The following PLXDC2 variants were observed in gnomAD, a reference collection of about 807,000 sequenced individuals.
The protein encoded by PLXDC2 is plexin domain-containing protein 2.
A neutral mutation model predicts 68.9 loss-of-function variants in PLXDC2; 40 were observed. That is an observed-to-expected ratio of 0.58 (90% CI 0.45 to 0.76). PLXDC2 has a LOEUF of 0.76. PLXDC2 is among the 30% of genes least tolerant of loss of function. PLXDC2 has a pLI of 0.00. For synonymous variants in PLXDC2, 243 were observed against 234.2 expected (o/e 1.04, Z -0.34); for missense variants, 644 against 661.9 (o/e 0.97, Z 0.30).
Position 19,861,336 on chromosome 10 carries a change from G to A in PLXDC2, c.112+44145G>A, listed in dbSNP as rs544004975. 9.9e-5 allele frequency among the ~76,000 whole-genome samples: 15 copies of A among 152,052 alleles called. No homozygotes were observed. The East Asian group carries it at 2.1e-3, about 22-fold the overall frequency. Reference sequence around the variant, plus strand: ...GGGCATGAGCCACCGAGCCCAGCGTGCTGGATACTTTTCTTTTGCAGTAAC... The same window carrying A: ...GGGCATGAGCCACCGAGCCCAGCGTACTGGATACTTTTCTTTTGCAGTAAC... On this transcript the variant is annotated intron_variant, in intron 1 of 13. Transcript: ENST00000377252.
intron 1 of PLXDC2, among the ~76,000 whole-genome samples, chr10:19,849,847 C>T (rs898891232): frequency 5.3e-5 from 8 of 152,070 alleles, no homozygotes; most frequent in Admixed American, 3.3e-4. Context: ...AAGACATAGG[C>T]ACTTAGTGGT....
chr10:20,242,769 G>A (rs182314407), intron 12 of PLXDC2, among the ~76,000 whole-genome samples: 1 of 152,256 alleles, frequency 6.6e-6, no homozygotes, highest in East Asian at 1.9e-4. Flanking sequence ...GGAGTGCAGT[G>A]GCAGGATCTC....
intron 13 of PLXDC2, among the ~76,000 whole-genome samples, chr10:20,269,143 C>T (rs1443096260): frequency 5.3e-5 from 8 of 152,178 alleles, no homozygotes; most frequent in Admixed American, 3.9e-4. Flanking sequence ...ATACATTCCA[C>T]TTTGCCAAGA....
chr10:20,129,510 C>T (rs1210114714), intron 4 of PLXDC2, among the ~76,000 whole-genome samples: 1 of 141,850 alleles, frequency 7.0e-6, no homozygotes, highest in Non-Finnish European at 1.5e-5. Flanking sequence ...TAGGGGTCAT[C>T]CCATATATAC....
intron 4 of PLXDC2, among the ~76,000 whole-genome samples, chr10:20,080,795 C>A (rs1298575728): frequency 6.6e-6 from 1 of 152,318 alleles, no homozygotes; most frequent in South Asian, 2.1e-4. Context: ...CAAGGCAAAC[C>A]ACTGTCCCCA....
chr10:20,091,919 T>C (rs1833282486), intron 4 of PLXDC2: 1 of 152,276 alleles, frequency 6.6e-6, no homozygotes, highest in African/African-American at 2.4e-5. Context: ...CACCCTTTGA[T>C]GGCGTCATTG....
intron 6 of PLXDC2, among the ~76,000 whole-genome samples, chr10:20,160,982 CA>C (rs952676192): frequency 1.3e-5 from 2 of 152,020 alleles, no homozygotes; most frequent in Non-Finnish European, 2.9e-5. Flanking sequence ...CAGTGAGACC[CA>C]ATGTCTTAAA....
chr10:20,259,240 T>C (rs1156424761), intron 13 of PLXDC2, among the ~76,000 whole-genome samples: 1 of 152,116 alleles, frequency 6.6e-6, no homozygotes, highest in African/African-American at 2.4e-5. Flanking sequence ...GGTATAATAG[T>C]AAAATATTTT....
intron 1 of PLXDC2, among the ~76,000 whole-genome samples, chr10:19,883,911 T>TTTTTTTTTTTTTTTTTTA (rs1837788503): frequency 7.3e-6 from 1 of 136,798 alleles, no homozygotes. Flanking sequence ...TTTTTTTTTT[T>TTTTTTTTTTTTTTTTTTA]AGCAGACAGG....
At chr10:20,055,995 G>A (rs11816620) in intron 3 of PLXDC2, among the ~76,000 whole-genome samples, 2,508 of 152,028 alleles carry the variant, frequency 0.016, 65 homozygotes, top group African/African-American at 0.057. Flanking sequence ...AAAAATAGTA[G>A]GGATTCAAAA....
chr10:20,277,098 A>G (rs889709866), intron 13 of PLXDC2, among the ~76,000 whole-genome samples: 5 of 150,180 alleles, frequency 3.3e-5, no homozygotes, highest in East Asian at 4.0e-4. Flanking sequence ...AATCCCAGCT[A>G]CTCAGGAGGC....
intron 9 of PLXDC2, among the ~76,000 whole-genome samples, chr10:20,206,116 T>C (rs779246393): frequency 3.9e-5 from 6 of 152,052 alleles, no homozygotes; most frequent in Non-Finnish European, 2.9e-5. Flanking sequence ...ACATATATCA[T>C]AATATCACAC....
intron 2 of PLXDC2, among the ~76,000 whole-genome samples, chr10:20,017,972 C>T (rs370496507): frequency 3.9e-5 from 6 of 152,226 alleles, no homozygotes; most frequent in South Asian, 4.1e-4. Context: ...AACAGGACAG[C>T]CATTACCCAG....
At chr10:20,119,459 C>A (rs1564321796) in intron 4 of PLXDC2, among the ~76,000 whole-genome samples, 2 of 151,880 alleles carry the variant, frequency 1.3e-5, no homozygotes, top group African/African-American at 4.8e-5. Flanking sequence ...TTTCACAAGA[C>A]AATGTCTCAG....
chr10:20,130,395 G>A (rs2131775442), intron 4 of PLXDC2, among the ~76,000 whole-genome samples: 1 of 152,188 alleles, frequency 6.6e-6, no homozygotes, highest in South Asian at 2.1e-4. Context: ...ATGCCAACAG[G>A]TTTTTGGAGG....
intron 1 of PLXDC2, among the ~76,000 whole-genome samples, chr10:19,876,091 C>A (rs1837625295): frequency 6.6e-6 from 1 of 151,976 alleles, no homozygotes; most frequent in South Asian, 2.1e-4. Flanking sequence ...CCTAGTTTAT[C>A]CTTCCCCATT....
intron 1 of PLXDC2, among the ~76,000 whole-genome samples, chr10:19,970,614 G>A (rs1347843008): frequency 2.0e-5 from 3 of 152,178 alleles, no homozygotes; most frequent in Non-Finnish European, 4.4e-5. Flanking sequence ...TTTTCATTGA[G>A]AAGATAGATA....
intron 1 of PLXDC2, among the ~76,000 whole-genome samples, chr10:19,865,867 G>A (rs939357221): frequency 1.3e-5 from 2 of 152,154 alleles, no homozygotes; most frequent in African/African-American, 4.8e-5. Flanking sequence ...CCTACAATAT[G>A]ATGCCCTTAA....
rs141705892 is a variant in PLXDC2, at chr10:20,216,020, G to C, written c.1123-1406G>C. 6.4e-3 allele frequency among the ~76,000 whole-genome samples: 971 copies of C among 152,042 alleles called. 9 individuals carry two copies. The highest frequency in any genetic ancestry group is 0.021 in the African/African-American group (887 of 41,486). ...TTTGTGGAGCCCCCATGGCGGGTCT[G>C]TGTGATTATTCTCCAGCTGTGCCTG... is the stretch of plus-strand genomic sequence containing the variant. On this transcript the variant is annotated intron_variant, in intron 10 of 13. Transcript: ENST00000377252.
Sources: allele counts gnomAD v4.1 joint callset (sites outside exome capture counted in the v4.1 genomes callset), GRCh38; gene constraint gnomAD v4.1.1; transcripts MANE v1.5; gene names NCBI Gene and HGNC (gene_info 2026-07-23, HGNC 2026-07-21).